The following TAB3 variants were observed in gnomAD, a reference collection of about 807,000 sequenced individuals.
TAB3 encodes the protein TGF-beta activated kinase 1 (MAP3K7) binding protein 3, also known as TGF-beta-activated kinase 1 and MAP3K7-binding protein 3.
In TAB3, 18 loss-of-function variants were observed where a neutral mutation model predicts 48.1. That is an observed-to-expected ratio of 0.37 (90% CI 0.26 to 0.55). The LOEUF is 0.55. Ranked by LOEUF, TAB3 falls within the 20% of genes least tolerant of loss-of-function variation. The probability of loss-of-function intolerance (pLI) is 0.78; values close to 1 mark genes in which losing one functional copy is unlikely to be tolerated. For missense variants in TAB3, 414 were observed against 549.8 expected, an observed-to-expected ratio of 0.75 and a Z score of 2.47; for synonymous variants, 185 against 190.2, an observed-to-expected ratio of 0.97 and a Z score of 0.22.
At chrX:30,863,327 C>T (rs751377301) in intron 4 of TAB3, among the ~76,000 whole-genome samples, 2 of 112,327 alleles carry the variant, frequency 1.8e-5, no homozygotes, top group Admixed American at 9.4e-5. Flanking sequence ...AAAAAAGCAA[C>T]TTCCATTTTG....
At chrX:30,867,830 C>T (rs1003701855) in intron 2 of TAB3, among the ~76,000 whole-genome samples, 3 of 110,987 alleles carry the variant, frequency 2.7e-5, no homozygotes, top group African/African-American at 9.8e-5. Flanking sequence ...TTTCTTAAGT[C>T]AACACCTGGT....
rs1010930719 is a variant in TAB3 at position 30,837,161 on chromosome X, G to C, written c.1889-3009C>G. Reference sequence around the variant, plus strand: ...CCTCCCAGGTTCAAGTGATTCTTCTGCCGCAGCCTCCCAAGTAGCTAGGAT... The same window carrying C: ...CCTCCCAGGTTCAAGTGATTCTTCTCCCGCAGCCTCCCAAGTAGCTAGGAT... On this transcript the variant is annotated intron_variant, in intron 9 of 10. Transcript: ENST00000288422. Among the ~76,000 whole-genome samples, 3 of 102,423 alleles carry C rather than the reference G, an allele frequency of 2.9e-5. No individual in the cohort carries two copies. The Admixed American group carries it at 3.4e-4, about 12-fold the overall frequency. The allele number at this position is 102,423 out of a possible 115,157, so 88.9% of individuals were successfully genotyped here.
chrX:30,866,793 C>T (rs1939420546), intron 4 of TAB3, among the ~76,000 whole-genome samples: 1 of 104,246 alleles, frequency 9.6e-6, no homozygotes, highest in South Asian at 4.5e-4. Context: ...GGAGGTGGAG[C>T]ATAACCTCCC....
intron 8 of TAB3, chrX:30,845,923 A>G (rs1938609405): frequency 1.6e-5 from 15 of 932,325 alleles, no homozygotes; most frequent in Middle Eastern, 6.3e-4. Flanking sequence ...AGCAATATTC[A>G]TGGGCCTACC....
chrX:30,883,440 G>A (rs890202950), intron 1 of TAB3, among the ~76,000 whole-genome samples: 3 of 111,465 alleles, frequency 2.7e-5, no homozygotes, highest in Non-Finnish European at 5.6e-5. Flanking sequence ...TTTACAGATG[G>A]GAAGTTCTGT....
At chrX:30,839,932 AT>A (rs1938371844) in intron 9 of TAB3, among the ~76,000 whole-genome samples, 1 of 99,305 alleles carries the variant, frequency 1.0e-5, no homozygotes, top group Admixed American at 1.1e-4. Context: ...ATATATATAT[AT>A]ATATATATAT....
At position 30,853,026 on chromosome X, in the gene TAB3, A is replaced by G. The variant is rs1938916762; in HGVS notation, c.1550-88T>C. The G allele has an allele frequency of 3.2e-6, 3 of 933,261 alleles. No homozygotes were observed. The Admixed American group carries it at 8.0e-5, about 25-fold the overall frequency. 76.9% of individuals were successfully genotyped at this position (933,261 alleles called of 1,213,427 possible). ...GATATGCACTGCTAATGTATAAAAG[A>G]CTCATTCAACTTGGGGGTTGGCATT... On this transcript the variant is annotated intron_variant, in intron 6 of 10. Transcript: ENST00000288422.
At chrX:30,864,058 T>C (rs1176995432) in intron 4 of TAB3, among the ~76,000 whole-genome samples, 1 of 111,652 alleles carries the variant, frequency 9.0e-6, no homozygotes, top group Non-Finnish European at 1.9e-5. Context: ...AAGTGCTGAA[T>C]GATGATTTGT....
At chrX:30,859,375 C>T in intron 5 of TAB3, 112 bp downstream of exon 5, 1 of 535,871 alleles carries the variant, frequency 1.9e-6, no homozygotes, top group Non-Finnish European at 3.2e-6. Flanking sequence ...CACACACACA[C>T]ACACACACAC....
intron 1 of TAB3, among the ~76,000 whole-genome samples, chrX:30,878,516 A>AAAAAAAAAAAG (rs57251085): frequency 2.5e-5 from 2 of 79,603 alleles, no homozygotes; most frequent in African/African-American, 5.1e-5. Flanking sequence ...AAAAAAAAAA[A>AAAAAAAAAAAG]AAAGAAAGAA....
Position 30,829,766 on chromosome X carries a change from G to A in TAB3, c.*1661C>T, listed in dbSNP as rs959400356. ...ATGGAAAACTATGATGAGTTATTAC[G>A]CCTTTGGTTTCATTATGCTATTAAG... On this transcript the variant is annotated 3_prime_UTR_variant, in exon 11 of 11. Coordinates refer to ENST00000288422, the MANE Select transcript of TAB3 (RefSeq NM_152787.5). 2.8e-5 allele frequency: 3 copies of A among 105,553 alleles called. No individual in the cohort carries two copies. Among genetic ancestry groups the A allele is most frequent in the African/African-American group, 7.0e-5 (2 of 28,657 alleles). 8.7% of individuals were successfully genotyped at this position (105,553 alleles called of 1,213,427 possible).
At chrX:30,860,355 C>T (rs1020913732) in intron 4 of TAB3, among the ~76,000 whole-genome samples, 5 of 111,688 alleles carry the variant, frequency 4.5e-5, no homozygotes, top group Admixed American at 1.9e-4. Context: ...GTAGGAAATA[C>T]ACACAGTTTT....
chrX:30,834,093 C>T lies in TAB3; in HGVS notation c.1948G>A (p.Val650Ile), dbSNP rs969304318. 1 of 1,209,856 alleles carries T rather than the reference C, an allele frequency of 8.3e-7. No individual in the cohort carries two copies. Among genetic ancestry groups the T allele is most frequent in the Middle Eastern group, 2.3e-4 (1 of 4,353 alleles). ...KARRISVTSK[V>I]QADIHDTQAA... ...TGGGTGTCATGGATGTCTGCCTGTACTTTGGAGGTCACGCTAATTCTTCGG... is the reference window on the plus strand; with the variant it reads ...TGGGTGTCATGGATGTCTGCCTGTATTTTGGAGGTCACGCTAATTCTTCGG... The change falls in exon 10 of 11, where the codon GTA becomes ATA. Residue 650 changes from valine to isoleucine, a missense_variant. Val to Ile is a conservative substitution (Grantham distance 29). Coordinates refer to ENST00000288422, the MANE Select transcript of TAB3 (RefSeq NM_152787.5).
chrX:30,859,932 A>G (rs1347363265), intron 4 of TAB3, among the ~76,000 whole-genome samples: 2 of 109,989 alleles, frequency 1.8e-5, no homozygotes, highest in Admixed American at 9.8e-5. Flanking sequence ...TTTAAAAAAA[A>G]AAAACAAAAA....
intron 4 of TAB3, among the ~76,000 whole-genome samples, chrX:30,866,321 T>C (rs1449549134): frequency 2.7e-5 from 3 of 110,770 alleles, no homozygotes; most frequent in African/African-American, 9.9e-5. Flanking sequence ...AAATTTCAGC[T>C]GAGAGGACAT....
Position 30,831,158 on chromosome X carries a change from C to G in TAB3, c.*269G>C, listed in dbSNP as rs769033894. 3.6e-6 allele frequency: 1 copy of G among 274,159 alleles called. No individual in the cohort carries two copies. Among genetic ancestry groups the G allele is most frequent in the Non-Finnish European group, 6.4e-6 (1 of 155,851 alleles). The allele number at this position is 274,159 out of a possible 1,213,427, so 22.6% of individuals were successfully genotyped here. ...TCCACCACAGAAGAGCTCTTGACTT[C>G]TGTGTGTACATTCTTTCACAGAGTG... is the stretch of plus-strand genomic sequence containing the variant. On this transcript the variant is annotated 3_prime_UTR_variant, in exon 11 of 11. Coordinates refer to ENST00000288422, the MANE Select transcript of TAB3 (RefSeq NM_152787.5).
chrX:30,867,565 G>C lies in TAB3; in HGVS notation c.-279-16C>G, dbSNP rs1473039811. The C allele has an allele frequency of 9.0e-6, 1 of 111,681 alleles. No homozygotes were observed. The highest frequency in any genetic ancestry group is 3.3e-5 in the African/African-American group (1 of 30,665). 9.2% of individuals were successfully genotyped at this position (111,681 alleles called of 1,213,427 possible). A position where few individuals can be genotyped will look rare whatever the true frequency, so the allele number is the denominator to read the frequency against. ...GTCTAGAAATCTGAGAAAACGAAAA[G>C]ATGGTTATCTTTTTGCTAACTTCCC... On this transcript the variant is annotated splice_polypyrimidine_tract_variant and intron_variant, in intron 2 of 10. Transcript: ENST00000288422.
At chrX:30,872,671 T>C (rs898111158) in intron 1 of TAB3, among the ~76,000 whole-genome samples, 15 of 112,514 alleles carry the variant, frequency 1.3e-4, no homozygotes, top group East Asian at 2.8e-4. Flanking sequence ...AGTGACCAAA[T>C]TGAACAATCA....
intron 1 of TAB3, among the ~76,000 whole-genome samples, chrX:30,877,836 TA>T (rs754805452): frequency 1.8e-3 from 197 of 111,520 alleles, no homozygotes; most frequent in Non-Finnish European, 2.6e-3. Flanking sequence ...CAGATTGGGT[TA>T]AAAAAAATCT....
Sources: gnomAD v4.1 joint callset for allele counts (sites outside exome capture counted in the v4.1 genomes callset) on GRCh38, gnomAD v4.1.1 for gene constraint, MANE v1.5 for transcripts, NCBI Gene and HGNC (gene_info 2026-07-23, HGNC 2026-07-21) for gene names.